CNTN4: variants seen among roughly 807,000 people sequenced by gnomAD.
CNTN4 encodes contactin 4, also known as contactin-4.
Under a neutral mutation model 122.5 loss-of-function variants are expected in CNTN4, and 77 were observed. The ratio of observed to expected loss-of-function variants is 0.63; its 90% CI spans 0.52 to 0.76. CNTN4 has a LOEUF of 0.76. Ranked by LOEUF, CNTN4 falls within the 30% of genes least tolerant of loss-of-function variation. The pLI is 0.00. For missense variants in CNTN4, 1,256 were observed against 1,259.1 expected, an observed-to-expected ratio of 1.00 and a Z score of 0.04; for synonymous variants, 512 against 447.0, an observed-to-expected ratio of 1.15 and a Z score of -1.83.
chr3:2,148,360 C>T (rs886159081), intron 2 of CNTN4, among the ~76,000 whole-genome samples: 1 of 151,578 alleles, frequency 6.6e-6, no homozygotes, highest in African/African-American at 2.4e-5. Flanking sequence ...ATAGGGGTAC[C>T]CTGTCTCTAC....
intron 4 of CNTN4, among the ~76,000 whole-genome samples, chr3:2,619,223 G>A (rs555940129): frequency 1.1e-4 from 16 of 152,270 alleles, no homozygotes; most frequent in African/African-American, 3.9e-4. Context: ...TATAAAAGAA[G>A]AGAAAATATC....
chr3:2,796,403 A>G (rs907394808), intron 6 of CNTN4, among the ~76,000 whole-genome samples: 21 of 152,160 alleles, frequency 1.4e-4, no homozygotes, highest in African/African-American at 4.8e-4. Context: ...ATCTTTTGGC[A>G]TACCCTAATC....
intron 2 of CNTN4, among the ~76,000 whole-genome samples, chr3:2,199,517 C>T (rs2038000154): frequency 6.6e-6 from 1 of 152,128 alleles, no homozygotes; most frequent in African/African-American, 2.4e-5. Context: ...GATTCTGCTT[C>T]TGACTCCATG....
At chr3:2,275,985 G>A (rs939167909) in intron 2 of CNTN4, among the ~76,000 whole-genome samples, 1 of 150,834 alleles carries the variant, frequency 6.6e-6, no homozygotes, top group African/African-American at 2.4e-5. Flanking sequence ...AATATCAGGT[G>A]AGTATAAAAT....
intron 6 of CNTN4, among the ~76,000 whole-genome samples, chr3:2,818,763 C>T (rs2092798098): frequency 6.6e-6 from 1 of 152,148 alleles, no homozygotes; most frequent in Non-Finnish European, 1.5e-5. Flanking sequence ...CCAGACTTGA[C>T]CTTTTTGAGG....
In CNTN4 at chr3:2,925,502, A is replaced by G. The variant is rs1967176; in HGVS notation, c.1208-127A>G. The G allele has an allele frequency of 0.44, 445,167 of 1,001,556 alleles. 101,950 individuals carry two copies. The highest frequency in any genetic ancestry group is 0.72 in the East Asian group (28,297 of 39,352). 62.0% of individuals were successfully genotyped at this position (1,001,556 alleles called of 1,614,324 possible). On this transcript the variant is annotated intron_variant, in intron 12 of 24. Coordinates refer to ENST00000418658, the MANE Select transcript of CNTN4 (RefSeq NM_175607.3). ...CGGGAGGCGGAGGTTGCAGTGAGCC[A>G]AGATTGCACCACTGCACTGGCAACA...
chr3:2,799,665 C>T (rs2092298115), intron 6 of CNTN4, among the ~76,000 whole-genome samples: 2 of 152,134 alleles, frequency 1.3e-5, no homozygotes, highest in South Asian at 4.1e-4. Flanking sequence ...AATTTCGCCA[C>T]GTTTGCCAGG....
chr3:2,891,101 A>G (rs1267599490), intron 10 of CNTN4, among the ~76,000 whole-genome samples: 3 of 152,186 alleles, frequency 2.0e-5, no homozygotes, highest in Admixed American at 6.5e-5. Context: ...GAAGTTAACC[A>G]AAATGCACTA....
intron 4 of CNTN4, among the ~76,000 whole-genome samples, chr3:2,720,635 C>G (rs1238193721): frequency 1.3e-5 from 2 of 152,136 alleles, no homozygotes; most frequent in South Asian, 2.1e-4. Flanking sequence ...GTCTTCCTAT[C>G]TATTAGATAA....
chr3:2,123,415 C>A (rs544712840), intron 2 of CNTN4, among the ~76,000 whole-genome samples: 1 of 152,252 alleles, frequency 6.6e-6, no homozygotes, highest in South Asian at 2.1e-4. Flanking sequence ...ATTTTTTATG[C>A]ATTAAACAGG....
chr3:2,509,563 G>A (rs1342444296), intron 3 of CNTN4, among the ~76,000 whole-genome samples: 1 of 152,070 alleles, frequency 6.6e-6, no homozygotes, highest in African/African-American at 2.4e-5. Flanking sequence ...TCTGTTTTGG[G>A]GATACTTGAG....
At chr3:2,625,899 T>A (rs1284173957) in intron 4 of CNTN4, among the ~76,000 whole-genome samples, 1 of 152,222 alleles carries the variant, frequency 6.6e-6, no homozygotes, top group African/African-American at 2.4e-5. Flanking sequence ...CAATTTTTGT[T>A]GTTACATTTG....
intron 2 of CNTN4, among the ~76,000 whole-genome samples, chr3:2,294,642 C>T (rs975962430): frequency 6.6e-6 from 1 of 151,698 alleles, no homozygotes; most frequent in African/African-American, 2.4e-5. Flanking sequence ...ACAACAACAA[C>T]AACAAAAAAG....
At chr3:2,375,878 A>C (rs529661251) in intron 3 of CNTN4, among the ~76,000 whole-genome samples, 1 of 152,082 alleles carries the variant, frequency 6.6e-6, no homozygotes, top group African/African-American at 2.4e-5. Context: ...CAGATGTTCA[A>C]CTTGCCCCTT....
rs377525724 is a variant in CNTN4, at chr3:2,138,586, A to T, written c.-145+37947A>T. On this transcript the variant is annotated intron_variant, in intron 2 of 24. Transcript: ENST00000418658. ...ATTGTGAGTGGTCATCATCCAATTC[A>T]CTGAGGGCATGAATAGAACAAAAAT... 5.9e-5 allele frequency among the ~76,000 whole-genome samples: 9 copies of T among 152,300 alleles called. No homozygotes were observed. In the East Asian group the frequency reaches 1.2e-3, roughly 20 times the overall value.
chr3:3,021,199 T>C (rs1559797880), intron 14 of CNTN4, among the ~76,000 whole-genome samples: 2 of 152,210 alleles, frequency 1.3e-5, no homozygotes, highest in Admixed American at 1.3e-4. Context: ...ACTATGAATT[T>C]TGATTCTCAT....
At chr3:2,559,051 A>G (rs1159349105) in intron 3 of CNTN4, among the ~76,000 whole-genome samples, 2 of 152,316 alleles carry the variant, frequency 1.3e-5, no homozygotes, top group East Asian at 1.9e-4. Context: ...AACAAAGAAC[A>G]TATTTATCAC....
chr3:2,319,958 C>T (rs530622974), intron 2 of CNTN4, among the ~76,000 whole-genome samples: 1 of 152,018 alleles, frequency 6.6e-6, no homozygotes, highest in Non-Finnish European at 1.5e-5. Flanking sequence ...TTTCTTTGCC[C>T]ATCATAATAA....
chr3:2,162,681 C>T (rs926569597), intron 2 of CNTN4, among the ~76,000 whole-genome samples: 6 of 152,146 alleles, frequency 3.9e-5, no homozygotes, highest in African/African-American at 1.4e-4. Flanking sequence ...TGTTACTTGT[C>T]AAAGCCCATA....
Sources: allele counts gnomAD v4.1 joint callset (sites outside exome capture counted in the v4.1 genomes callset), GRCh38; gene constraint gnomAD v4.1.1; transcripts MANE v1.5; gene names NCBI Gene and HGNC (gene_info 2026-07-23, HGNC 2026-07-21).